Variants in NDST1 observed in about 807,000 individuals in gnomAD.
NDST1 encodes the protein N-deacetylase and N-sulfotransferase 1, also known as bifunctional heparan sulfate N-deacetylase/N-sulfotransferase 1.
A neutral mutation model predicts 92.8 loss-of-function variants in NDST1; 35 were observed. The ratio of observed to expected loss-of-function variants is 0.38; its 90% CI spans 0.29 to 0.50. The LOEUF is 0.50. Among genes scored for constraint, NDST1 ranks in the 20% least tolerant of loss-of-function variants. The pLI is 0.94. For missense variants in NDST1, 822 were observed against 1,182.7 expected (o/e 0.69, Z 4.47); for synonymous variants, 493 against 500.3 (o/e 0.99, Z 0.19).
chr5:150,534,850 T>C lies in NDST1; in HGVS notation c.1097-17T>C. 6.2e-7 allele frequency: 1 copy of C among 1,614,274 alleles called. No homozygotes were observed. Among genetic ancestry groups the C allele is most frequent in the Non-Finnish European group, 8.5e-7 (1 of 1,180,042 alleles). On this transcript the variant is annotated splice_polypyrimidine_tract_variant and intron_variant, in intron 4 of 14. Coordinates refer to ENST00000261797, the MANE Select transcript of NDST1 (RefSeq NM_001543.5). ...CATGGCCCAGTGGGTGGTTCTGAGC[T>C]GCCTGTGTTGCTGCAGGTACCAATG...
rs1386352596 is a variant in NDST1, at chr5:150,539,125, G to A, written c.1438-103G>A. On this transcript the variant is annotated intron_variant, in intron 6 of 14. Transcript: ENST00000261797. The stretch of plus-strand genomic sequence containing the variant: ...GGGGCTGTGCGACCACATGGAGACT[G>A]CCTTTCTGAGGAGCAGCTGGGCCTT... 6 of 952,510 alleles carry A rather than the reference G, an allele frequency of 6.3e-6. No individual in the cohort carries two copies. The East Asian group carries it at 9.7e-5, about 15-fold the overall frequency. The allele number at this position is 952,510 out of a possible 1,614,324, so 59.0% of individuals were successfully genotyped here.
rs77800426 is a variant in NDST1, at chr5:150,543,874, G to C, written c.1970+903G>C. Among the ~76,000 whole-genome samples, 217 of 152,178 alleles carry C rather than the reference G, an allele frequency of 1.4e-3. 7 individuals are homozygous for C. The East Asian group carries it at 0.032, about 23-fold the overall frequency. On this transcript the variant is annotated intron_variant, in intron 10 of 14. Coordinates refer to ENST00000261797, the MANE Select transcript of NDST1 (RefSeq NM_001543.5). ...GGCTTACTGCAACCTCTGCTTCCCG[G>C]GTTCAAGTGATTCTCCTGCTTCAGC...
intron 1 of NDST1, among the ~76,000 whole-genome samples, 155 bp from the exon 2 acceptor site, chr5:150,520,713 C>T (rs1167842891): frequency 1.3e-5 from 2 of 152,192 alleles, no homozygotes; most frequent in Admixed American, 6.5e-5. Flanking sequence ...GAAACTGGGG[C>T]TCAGAGATAT....
intron 1 of NDST1, among the ~76,000 whole-genome samples, chr5:150,509,581 C>T (rs563120798): frequency 1.8e-4 from 27 of 152,296 alleles, no homozygotes; most frequent in East Asian, 1.2e-3. Flanking sequence ...GGCGCCATCT[C>T]GGCTCACTGT....
intron 10 of NDST1, among the ~76,000 whole-genome samples, 191 bp downstream of exon 10, chr5:150,543,162 G>A (rs925168594): frequency 6.6e-6 from 1 of 152,230 alleles, no homozygotes; most frequent in African/African-American, 2.4e-5. Context: ...CACTCGATGA[G>A]GAGGCCCTTT....
chr5:150,551,638 T>C, intron 13 of NDST1, 115 bp from the exon 14 acceptor site: 2 of 1,333,588 alleles, frequency 1.5e-6, no homozygotes, highest in African/African-American at 1.4e-5. Flanking sequence ...CCATGTGGGT[T>C]CAAGAGCAGT....
At position 150,545,619 on chromosome 5, in the gene NDST1, G is replaced by A. The variant is rs1012342496; in HGVS notation, c.2145+133G>A. On this transcript the variant is annotated intron_variant, in intron 11 of 14. Transcript: ENST00000261797. Reference sequence around the variant, plus strand: ...CAGCCCTGAGCCAGGCGCCTGGAGCGTGGTGATGGCTGAGAATAGAGTCCT... The same window carrying A: ...CAGCCCTGAGCCAGGCGCCTGGAGCATGGTGATGGCTGAGAATAGAGTCCT... The A allele has an allele frequency of 4.5e-5, 52 of 1,152,712 alleles. No homozygotes were observed. In the East Asian group the frequency reaches 5.0e-4, roughly 11 times the overall value. The allele number at this position is 1,152,712 out of a possible 1,614,324, so 71.4% of individuals were successfully genotyped here.
At position 150,510,267 on chromosome 5, in the gene NDST1, C is replaced by T. The variant is rs534587673; in HGVS notation, c.-388+2041C>T. ...ATGTTCGCAGGAGCTTAACGTTGGC[C>T]GCCAGTAAGGGAGGTTATGATATGT... On this transcript the variant is annotated intron_variant, in intron 1 of 14. Transcript: ENST00000261797. Among the ~76,000 whole-genome samples the T allele has an allele frequency of 3.3e-5, 5 of 152,294 alleles. No individual in the cohort carries two copies. The East Asian group carries it at 7.7e-4, about 23-fold the overall frequency.
At chr5:150,502,197 C>T (rs1381325875) in intron 1 of NDST1, among the ~76,000 whole-genome samples, 1 of 151,910 alleles carries the variant, frequency 6.6e-6, no homozygotes, top group African/African-American at 2.4e-5. Context: ...TGAGGGTGGA[C>T]GCAGGATGAC....
At chr5:150,529,880 C>T (rs1216139205) in intron 3 of NDST1, among the ~76,000 whole-genome samples, 1 of 152,224 alleles carries the variant, frequency 6.6e-6, no homozygotes, top group Non-Finnish European at 1.5e-5. Context: ...GCATTCATCG[C>T]CCTGCCTTGG....
intron 13 of NDST1, 146 bp downstream of exon 13, chr5:150,549,933 T>TAAAA: frequency 2.9e-6 from 2 of 689,928 alleles, no homozygotes; most frequent in Non-Finnish European, 5.3e-6. Context: ...TAAGTCATAT[T>TAAAA]AATAAAGGTA....
At chr5:150,523,450 C>T (rs556714858) in intron 2 of NDST1, among the ~76,000 whole-genome samples, 5 of 152,314 alleles carry the variant, frequency 3.3e-5, no homozygotes, top group Non-Finnish European at 4.4e-5. Context: ...GCACTTCACA[C>T]GAAGGCAGGT....
chr5:150,517,287 G>A (rs1015356721), intron 1 of NDST1, among the ~76,000 whole-genome samples: 1 of 149,750 alleles, frequency 6.7e-6, no homozygotes, highest in African/African-American at 2.5e-5. Context: ...ACAGGCACAT[G>A]CCCTGACACC....
At chr5:150,539,438 C>A in intron 7 of NDST1, 82 bp downstream of exon 7, 2 of 1,607,992 alleles carry the variant, frequency 1.2e-6, no homozygotes, top group Non-Finnish European at 1.7e-6. Flanking sequence ...CTTCCTGGAG[C>A]CAGGAAAGGG....
rs767036872 is a variant in NDST1 at position 150,528,198 on chromosome 5, G to A, written c.908G>A (p.Gly303Glu). 2.3e-4 allele frequency: 370 copies of A among 1,614,104 alleles called. No individual in the cohort carries two copies. Among genetic ancestry groups the A allele is most frequent in the Non-Finnish European group, 3.0e-4 (358 of 1,180,030 alleles). ...GTGGATGCCGTGGCCTTCCTCACGG[G>A]GAAGCGCCTCTCCCTGCCATTGGAC... The part of the protein sequence containing the change: ...VFVDAVAFLT[G>E]KRLSLPLDRY... Residue 303 changes from glycine (G) to glutamate (E), a missense_variant, in exon 3 of 15, where the codon GGG becomes GAG. Gly to Glu is a moderately conservative substitution (Grantham distance 98). Transcript: ENST00000261797.
intron 3 of NDST1, among the ~76,000 whole-genome samples, chr5:150,528,794 CAAAAAAATT>C (rs925985173): frequency 6.6e-6 from 1 of 151,512 alleles, no homozygotes; most frequent in African/African-American, 2.4e-5. Flanking sequence ...GACTCTGTCT[CAAAAAAATT>C]AAAAAAATAA....
chr5:150,530,231 T>G (rs924354928), intron 3 of NDST1, among the ~76,000 whole-genome samples: 11 of 152,200 alleles, frequency 7.2e-5, no homozygotes, highest in African/African-American at 2.7e-4. Context: ...TTGCGCTGCT[T>G]TTACGCATTG....
At chr5:150,505,714 C>A (rs1753423540), upstream of NDST1, among the ~76,000 whole-genome samples, 1 of 152,096 alleles carries the variant, frequency 6.6e-6, no homozygotes, top group African/African-American at 2.4e-5. Flanking sequence ...AATAACCCAG[C>A]TTAGATTTAG....
intron 1 of NDST1, among the ~76,000 whole-genome samples, chr5:150,512,262 G>A (rs994760123): frequency 6.6e-6 from 1 of 152,164 alleles, no homozygotes; most frequent in Non-Finnish European, 1.5e-5. Flanking sequence ...GGGGGGCAGG[G>A]AGCAGTGTGT....
Sources: gnomAD v4.1 joint callset for allele counts (sites outside exome capture counted in the v4.1 genomes callset) on GRCh38, gnomAD v4.1.1 for gene constraint, MANE v1.5 for transcripts, NCBI Gene and HGNC (gene_info 2026-07-23, HGNC 2026-07-21) for gene names.